KCNH8: variants seen among roughly 807,000 people sequenced by gnomAD.
KCNH8 encodes the protein voltage-gated delayed rectifier potassium channel KCNH8.
KCNH8 carries 70 observed loss-of-function variants against 103.6 expected under a neutral mutation model. That is an observed-to-expected ratio of 0.68 (90% CI 0.56 to 0.82). The LOEUF (loss-of-function observed/expected upper bound fraction) is 0.82, where lower values mean the gene tolerates loss of function less well. Among genes scored for constraint, KCNH8 ranks in the 40% least tolerant of loss-of-function variants. The pLI, the probability that KCNH8 is intolerant of heterozygous loss-of-function variation, is 0.00. For missense variants in KCNH8, 1,217 were observed against 1,329.9 expected, an observed-to-expected ratio of 0.92 and a Z score of 1.32; for synonymous variants, 498 against 489.4, an observed-to-expected ratio of 1.02 and a Z score of -0.23.
intron 2 of KCNH8, 143 bp downstream of exon 2, chr3:19,254,030 G>T (rs2064314205): frequency 3.2e-6 from 2 of 625,172 alleles, no homozygotes; most frequent in South Asian, 3.9e-5. Flanking sequence ...CAAATGACTT[G>T]GATGATAGCC....
intron 7 of KCNH8, among the ~76,000 whole-genome samples, chr3:19,423,027 T>C (rs1307518620): frequency 6.6e-6 from 1 of 152,114 alleles, no homozygotes; most frequent in Non-Finnish European, 1.5e-5. Context: ...TGTTACATCA[T>C]AGTGATGATG....
intron 1 of KCNH8, among the ~76,000 whole-genome samples, chr3:19,251,579 G>A (rs914911607): frequency 2.6e-5 from 4 of 152,066 alleles, no homozygotes; most frequent in Non-Finnish European, 4.4e-5. Context: ...AAAGGAGATG[G>A]AGAAACACAT....
chr3:19,494,742 G>A (rs1460880499), intron 11 of KCNH8, among the ~76,000 whole-genome samples: 1 of 152,064 alleles, frequency 6.6e-6, no homozygotes, highest in Non-Finnish European at 1.5e-5. Context: ...TGGATCAAAT[G>A]GTAGTTCTGT....
chr3:19,157,467 T>C (rs1438986824), intron 1 of KCNH8, among the ~76,000 whole-genome samples: 1 of 152,090 alleles, frequency 6.6e-6, no homozygotes, highest in Non-Finnish European at 1.5e-5. Context: ...TGTGTAATTT[T>C]AGGTTTTAGG....
chr3:19,412,688 A>G (rs1032305232), intron 7 of KCNH8, among the ~76,000 whole-genome samples: 1 of 151,876 alleles, frequency 6.6e-6, no homozygotes, highest in African/African-American at 2.4e-5. Flanking sequence ...CAATTCAACA[A>G]GCAAAAGACA....
chr3:19,318,422 A>G (rs1046446035), intron 3 of KCNH8, among the ~76,000 whole-genome samples: 4 of 151,288 alleles, frequency 2.6e-5, no homozygotes, highest in Non-Finnish European at 5.9e-5. Context: ...TTTATCCTTC[A>G]CCCCCACACC....
At chr3:19,208,383 A>C (rs539938099) in intron 1 of KCNH8, among the ~76,000 whole-genome samples, 9 of 152,104 alleles carry the variant, frequency 5.9e-5, no homozygotes, top group African/African-American at 2.2e-4. Context: ...TAATCTGTTC[A>C]GAAGTTGTCT....
chr3:19,438,172 C>T lies in KCNH8; in HGVS notation c.1186C>T (p.His396Tyr). The change falls in exon 8 of 16, where the codon CAT becomes TAT. Residue 396 changes from histidine to tyrosine, a missense_variant. Around this residue, in one of 3 missense-constraint regions of KCNH8, gnomAD observed 415 missense variants for 577.4 expected, o/e 0.72. Transcript: ENST00000328405. ...SLLKWEVGWL[H>Y]ELGKRLESPY... ...TATTTCCTCCTTTGCAGGTTGGCTT[C>T]ATGAGTTGGGAAAGAGACTGGAATC... is the stretch of plus-strand genomic sequence containing the variant. 6.2e-7 allele frequency: 1 copy of T among 1,613,978 alleles called. No individual in the cohort carries two copies. Among genetic ancestry groups the T allele is most frequent in the Non-Finnish European group, 8.5e-7 (1 of 1,179,920 alleles).
intron 5 of KCNH8, among the ~76,000 whole-genome samples, chr3:19,369,894 G>A (rs951096300): frequency 3.3e-5 from 5 of 151,922 alleles, no homozygotes; most frequent in African/African-American, 9.7e-5. Flanking sequence ...GCTCTGTCTA[G>A]ACTACTACAA....
rs761645717 is a variant in KCNH8, at chr3:19,518,068, C to A, written c.2613C>A (p.Asn871Lys). 5.6e-5 allele frequency: 90 copies of A among 1,611,008 alleles called. No homozygotes were observed. In the Admixed American group the frequency reaches 1.5e-3, roughly 26 times the overall value. The change falls in exon 15 of 16, where the codon AAC becomes AAA. Residue 871 changes from asparagine (N) to lysine (K), a missense_variant. Around this residue, in one of 3 missense-constraint regions of KCNH8, gnomAD observed 558 missense variants for 495.8 expected, o/e 1.13. Transcript: ENST00000328405. The stretch of plus-strand genomic sequence containing the variant: ...CCAAGCAGCAGATAAACAAACTCAA[C>A]AGTGAGGTATGGAGCTCTTTCTTTG... ...EETKQQINKL[N>K]SEVTTLTQEV...
chr3:19,429,330 C>T (rs1481708939), intron 7 of KCNH8, among the ~76,000 whole-genome samples: 9 of 152,076 alleles, frequency 5.9e-5, no homozygotes, highest in Non-Finnish European at 1.3e-4. Flanking sequence ...CCCGCCACTA[C>T]ATCCGGCTAA....
chr3:19,510,273 A>G (rs919253260), intron 11 of KCNH8, 90 bp from the exon 12 acceptor site: 2 of 802,850 alleles, frequency 2.5e-6, no homozygotes, highest in African/African-American at 3.4e-5. Context: ...AACTCTGTAC[A>G]TACTTCTCTT....
At chr3:19,485,063 T>G (rs1304215706) in intron 11 of KCNH8, among the ~76,000 whole-genome samples, 11 of 152,212 alleles carry the variant, frequency 7.2e-5, no homozygotes, top group Admixed American at 6.5e-4. Flanking sequence ...ACTCCACCTT[T>G]CCGGAACTCT....
chr3:19,250,475 A>G (rs1575468853), intron 1 of KCNH8, among the ~76,000 whole-genome samples: 2 of 152,314 alleles, frequency 1.3e-5, no homozygotes, highest in Admixed American at 6.5e-5. Context: ...ATATGGGAAA[A>G]TATATGCTAG....
At chr3:19,514,612 C>T (rs550559766) in intron 13 of KCNH8, among the ~76,000 whole-genome samples, 2 of 150,498 alleles carry the variant, frequency 1.3e-5, no homozygotes, top group Non-Finnish European at 3.0e-5. Flanking sequence ...AAATTTTCTA[C>T]AATAGACTTT....
At chr3:19,269,538 T>C (rs1008056978) in intron 2 of KCNH8, among the ~76,000 whole-genome samples, 1 of 152,098 alleles carries the variant, frequency 6.6e-6, no homozygotes, top group African/African-American at 2.4e-5. Context: ...AATGATTTTT[T>C]AAAGGTACCT....
intron 5 of KCNH8, among the ~76,000 whole-genome samples, chr3:19,375,201 T>C (rs1470426076): frequency 6.6e-6 from 1 of 152,082 alleles, no homozygotes; most frequent in African/African-American, 2.4e-5. Flanking sequence ...TGCAGGGTGT[T>C]TTCCAGGTTG....
intron 7 of KCNH8, among the ~76,000 whole-genome samples, chr3:19,400,231 CAAAAAAAAA>C (rs11422314): frequency 1.9e-5 from 1 of 53,108 alleles, no homozygotes; most frequent in African/African-American, 7.1e-5. Context: ...TGTTAGCCAG[CAAAAAAAAA>C]AAAAAAAAAA....
At chr3:19,283,079 A>G (rs1470491648) in intron 3 of KCNH8, among the ~76,000 whole-genome samples, 1 of 152,142 alleles carries the variant, frequency 6.6e-6, no homozygotes. Context: ...CATCCTATAC[A>G]TGTCCATATC....
Sources: gnomAD v4.1 joint callset for allele counts (sites outside exome capture counted in the v4.1 genomes callset) on GRCh38, gnomAD v4.1.1 for gene constraint, gnomAD v4.1.1 regional missense constraint, MANE v1.5 for transcripts, NCBI Gene and HGNC (gene_info 2026-07-23, HGNC 2026-07-21) for gene names.